Variants in SPMIP2 observed in about 807,000 individuals in gnomAD.
SPMIP2 encodes protein SPMIP2.
chr4:158,949,019 T>A, the SPMIP2 span, among the ~76,000 whole-genome samples: 1 of 152,208 alleles, frequency 6.6e-6, no homozygotes, highest in Non-Finnish European at 1.5e-5. Context: ...TATTATACAT[T>A]TTAACTGATC....
the SPMIP2 span, chr4:158,905,447 G>T: frequency 6.6e-6 from 1 of 152,152 alleles, no homozygotes; most frequent in African/African-American, 2.4e-5. Context: ...TTTCCTTATA[G>T]TTAATACAAA....
At chr4:158,926,630 ATTT>A in the SPMIP2 span, among the ~76,000 whole-genome samples, 1 of 151,914 alleles carries the variant, frequency 6.6e-6, no homozygotes, top group East Asian at 1.9e-4. Flanking sequence ...AAAAGAATGT[ATTT>A]TCTGTTGTCA....
At chr4:159,003,826 T>TGGTA in the SPMIP2 span, among the ~76,000 whole-genome samples, 3 of 152,198 alleles carry the variant, frequency 2.0e-5, no homozygotes, top group African/African-American at 7.2e-5. Flanking sequence ...AGGGTCAGAA[T>TGGTA]GGTAGCTCAA....
At chr4:158,991,369 G>A in the SPMIP2 span, among the ~76,000 whole-genome samples, 1 of 152,108 alleles carries the variant, frequency 6.6e-6, no homozygotes, top group Non-Finnish European at 1.5e-5. Flanking sequence ...CTTAAATCAG[G>A]GAGCTCAGTA....
the SPMIP2 span, among the ~76,000 whole-genome samples, chr4:158,900,721 G>A: frequency 6.6e-6 from 1 of 152,108 alleles, no homozygotes; most frequent in Non-Finnish European, 1.5e-5. Context: ...TTGAGTCTGT[G>A]TATGTGTTTG....
chr4:158,984,758 C>A, the SPMIP2 span, among the ~76,000 whole-genome samples: 1 of 151,832 alleles, frequency 6.6e-6, no homozygotes, highest in Non-Finnish European at 1.5e-5. Flanking sequence ...CAAAAGCTAG[C>A]AGAAGGCAAG....
chr4:158,954,013 C>T, the SPMIP2 span, among the ~76,000 whole-genome samples: 1 of 152,112 alleles, frequency 6.6e-6, no homozygotes, highest in East Asian at 1.9e-4. Context: ...AAACTTTGGA[C>T]TATGGACTTT....
At chr4:159,078,970 T>C in the SPMIP2 span, among the ~76,000 whole-genome samples, 6 of 151,836 alleles carry the variant, frequency 4.0e-5, no homozygotes, top group Non-Finnish European at 8.8e-5. Context: ...ATACAGAAAT[T>C]AGCTGGGTGT....
the SPMIP2 span, among the ~76,000 whole-genome samples, chr4:158,917,570 T>A: frequency 6.6e-6 from 1 of 151,972 alleles, no homozygotes; most frequent in African/African-American, 2.4e-5. Context: ...ACTCACAGCC[T>A]TTTGCTTCAA....
the SPMIP2 span, among the ~76,000 whole-genome samples, chr4:159,014,852 A>G: frequency 5.3e-5 from 8 of 152,258 alleles, no homozygotes; most frequent in Non-Finnish European, 4.4e-5. Flanking sequence ...TCATGTTTTA[A>G]GAAAGCTTAC....
At chr4:159,072,451 CTTTT>C in the SPMIP2 span, among the ~76,000 whole-genome samples, 20 of 69,126 alleles carry the variant, frequency 2.9e-4, no homozygotes, top group African/African-American at 8.5e-4. Context: ...CTTATGAATT[CTTTT>C]TTTTTTTTTT....
At chr4:159,040,924 T>C in the SPMIP2 span, among the ~76,000 whole-genome samples, 5 of 152,204 alleles carry the variant, frequency 3.3e-5, no homozygotes, top group African/African-American at 9.7e-5. Context: ...TATAAGTCAA[T>C]TGGGATAATG....
chr4:159,045,168 C>T, the SPMIP2 span, among the ~76,000 whole-genome samples: 4 of 151,222 alleles, frequency 2.6e-5, no homozygotes, highest in Non-Finnish European at 5.9e-5. Context: ...GTAGATACAT[C>T]TCATACAAAA....
chr4:158,991,974 C>A, the SPMIP2 span, among the ~76,000 whole-genome samples: 1 of 152,162 alleles, frequency 6.6e-6, no homozygotes, highest in Non-Finnish European at 1.5e-5. Context: ...TCACTGCAGC[C>A]TTGACCACCT....
At chr4:159,021,093 C>G in the SPMIP2 span, among the ~76,000 whole-genome samples, 1 of 152,292 alleles carries the variant, frequency 6.6e-6, no homozygotes, top group South Asian at 2.1e-4. Flanking sequence ...CACAGTGGTG[C>G]AGCAATGGTT....
At chr4:159,047,820 C>T in the SPMIP2 span, among the ~76,000 whole-genome samples, 89 of 151,220 alleles carry the variant, frequency 5.9e-4, 1 homozygote, top group Non-Finnish European at 1.2e-4. Context: ...AGAGAATGGC[C>T]TGCCCCACTA....
the SPMIP2 span, chr4:158,915,061 G>A: frequency 2.1e-6 from 2 of 964,926 alleles, no homozygotes; most frequent in Admixed American, 5.7e-5. Flanking sequence ...TAGGTTAAAA[G>A]AAGCTACAAA....
the SPMIP2 span, among the ~76,000 whole-genome samples, chr4:158,910,048 A>G: frequency 6.6e-6 from 1 of 151,626 alleles, no homozygotes; most frequent in Non-Finnish European, 1.5e-5. Flanking sequence ...TCAAAAAAAA[A>G]CAAAAAAAAA....
the SPMIP2 span, among the ~76,000 whole-genome samples, chr4:158,974,884 A>T: frequency 1.3e-5 from 2 of 152,184 alleles, 1 homozygote; most frequent in East Asian, 3.8e-4. Context: ...GAATCGCCAC[A>T]CTGTCTTCCA....
Sources: gnomAD v4.1 joint callset for allele counts (sites outside exome capture counted in the v4.1 genomes callset) on GRCh38, gnomAD v4.1.1 for gene constraint, MANE v1.5 for transcripts, NCBI Gene and HGNC (gene_info 2026-07-23, HGNC 2026-07-21) for gene names.